The following ADAMTS12 variants were observed in gnomAD, a reference collection of about 807,000 sequenced individuals.
ADAMTS12 encodes A disintegrin and metalloproteinase with thrombospondin motifs 12.
Under a neutral mutation model 167.8 loss-of-function variants are expected in ADAMTS12, and 118 were observed. The ratio of observed to expected loss-of-function variants is 0.70; its 90% CI spans 0.61 to 0.82. The LOEUF is 0.82. Ranked by LOEUF, ADAMTS12 falls within the 40% of genes least tolerant of loss-of-function variation. The pLI is 0.00. For missense variants in ADAMTS12, 1,916 were observed against 1,998.8 expected (o/e 0.96, Z 0.79); for synonymous variants, 704 against 716.9 (o/e 0.98, Z 0.29).
rs201968522 is a variant in ADAMTS12 at position 33,648,964 on chromosome 5, C to T, written c.1337G>A (p.Arg446Gln). 7.4e-5 allele frequency: 119 copies of T among 1,613,324 alleles called. No individual in the cohort carries two copies. Among genetic ancestry groups the T allele is most frequent in the South Asian group, 1.1e-4 (10 of 90,946 alleles). The change falls in exon 9 of 24, where the codon CGA (arginine) becomes CAA (glutamine). Residue 446 changes from arginine (R) to glutamine (Q), a missense_variant and splice_region_variant. Coordinates refer to ENST00000504830, the MANE Select transcript of ADAMTS12 (RefSeq NM_030955.4). ...GTCATCAAGACAGAACCCCCAGCCT[C>T]GGCTGAAAACAAGTTAACAGAAATG... Reference protein sequence around the residue: ...SEEYITRFLDRGWGFCLDDIP... With the variant: ...SEEYITRFLDQGWGFCLDDIP...
intron 21 of ADAMTS12, among the ~76,000 whole-genome samples, chr5:33,548,249 T>C (rs913526242): frequency 5.9e-5 from 9 of 152,202 alleles, no homozygotes; most frequent in African/African-American, 1.9e-4. Context: ...TTCCACATCA[T>C]AGCAGGATCA....
chr5:33,624,098 T>C, intron 14 of ADAMTS12, 133 bp downstream of exon 14: 3 of 1,364,128 alleles, frequency 2.2e-6, no homozygotes, highest in Non-Finnish European at 2.0e-6. Flanking sequence ...GTAAAGGCTA[T>C]ATTCCATTTT....
At chr5:33,847,635 G>T (rs1050772481) in intron 2 of ADAMTS12, among the ~76,000 whole-genome samples, 2 of 150,256 alleles carry the variant, frequency 1.3e-5, no homozygotes, top group South Asian at 2.1e-4. Flanking sequence ...AAAAAAAAAA[G>T]AAAGAAAGAA....
At chr5:33,737,475 A>G (rs1008833784) in intron 3 of ADAMTS12, among the ~76,000 whole-genome samples, 1 of 152,216 alleles carries the variant, frequency 6.6e-6, no homozygotes, top group African/African-American at 2.4e-5. Flanking sequence ...TTTAATAAGT[A>G]AAAAGAATTC....
intron 2 of ADAMTS12, among the ~76,000 whole-genome samples, chr5:33,861,426 AAAG>A (rs1231901149): frequency 6.6e-6 from 1 of 152,208 alleles, no homozygotes; most frequent in Non-Finnish European, 1.5e-5. Context: ...CAAAAAAGAC[AAAG>A]AAGGGCATTA....
rs555007434 is a variant in ADAMTS12 at position 33,740,662 on chromosome 5, C to T, written c.634+10742G>A. On this transcript the variant is annotated intron_variant, in intron 3 of 23. Coordinates refer to ENST00000504830, the MANE Select transcript of ADAMTS12 (RefSeq NM_030955.4). ...ATCCTGACCCTCCCCATGTTTGCAC[C>T]CAGGCTCCTACCAGGGGCATAGAGG... 1.7e-4 allele frequency among the ~76,000 whole-genome samples: 26 copies of T among 152,318 alleles called. No homozygotes were observed. The South Asian group carries it at 5.4e-3, about 32-fold the overall frequency.
At position 33,834,752 on chromosome 5, in the gene ADAMTS12, T is replaced by C. The variant is rs577048550; in HGVS notation, c.489+46367A>G. Among the ~76,000 whole-genome samples, 6 of 152,350 alleles carry C rather than the reference T, an allele frequency of 3.9e-5. No homozygotes were observed. The South Asian group carries it at 1.2e-3, about 32-fold the overall frequency. On this transcript the variant is annotated intron_variant, in intron 2 of 23. Transcript: ENST00000504830. ...AGATGTCCCTAGTTTCCTGGAGGAT[T>C]AGGACACTGTGTTCTATGTCTACAC...
chr5:33,865,087 T>C (rs906826537), intron 2 of ADAMTS12, among the ~76,000 whole-genome samples: 2 of 151,804 alleles, frequency 1.3e-5, no homozygotes, highest in African/African-American at 2.4e-5. Flanking sequence ...ATTCCAAAGA[T>C]TGAGAAACAG....
intron 7 of ADAMTS12, among the ~76,000 whole-genome samples, chr5:33,657,180 T>C (rs1741092179): frequency 6.6e-6 from 1 of 152,202 alleles, no homozygotes; most frequent in Non-Finnish European, 1.5e-5. Flanking sequence ...AAAATTGTTT[T>C]AGAAAGTCCA....
intron 18 of ADAMTS12, among the ~76,000 whole-genome samples, chr5:33,585,247 A>T (rs1467897195): frequency 6.6e-6 from 1 of 152,188 alleles, no homozygotes; most frequent in Non-Finnish European, 1.5e-5. Context: ...TCAAAAAGAA[A>T]GAATTATGGA....
In ADAMTS12 at chr5:33,681,253, G is replaced by GAT. The variant is rs576944889; in HGVS notation, c.915+1763_915+1764dup. Among the ~76,000 whole-genome samples, 1,083 of 152,308 alleles carry GAT rather than the reference G, an allele frequency of 7.1e-3. 5 individuals carry two copies. The highest frequency in any genetic ancestry group is 0.014 in the Middle Eastern group (4 of 294). On this transcript the variant is annotated intron_variant, in intron 5 of 23. Coordinates refer to ENST00000504830, the MANE Select transcript of ADAMTS12 (RefSeq NM_030955.4). ...AGAAAAAATGGATCCCCACTCCACA[G>GAT]ATTGTTTTAAAAATAATCTAACACA...
rs541901551 is a variant in ADAMTS12, at chr5:33,891,609, C to G, written c.127+121G>C. 1,367 of 1,465,738 alleles carry G rather than the reference C, an allele frequency of 9.3e-4. 6 individuals are homozygous for G. Among genetic ancestry groups the G allele is most frequent in the South Asian group, 3.0e-3 (228 of 75,624 alleles). 90.8% of individuals were successfully genotyped at this position (1,465,738 alleles called of 1,614,324 possible). The stretch of plus-strand genomic sequence containing the variant: ...GGTCCCAGCCCAGATTTCCTTACAA[C>G]GCAGCCAAATGGCTTTTCAGAGTTC... On this transcript the variant is annotated intron_variant, in intron 1 of 23. Coordinates refer to ENST00000504830, the MANE Select transcript of ADAMTS12 (RefSeq NM_030955.4).
chr5:33,595,313 C>T (rs1194881840), intron 17 of ADAMTS12, among the ~76,000 whole-genome samples: 1 of 152,068 alleles, frequency 6.6e-6, no homozygotes. Context: ...ATGATTTTAC[C>T]CCGTAGTGGA....
chr5:33,603,700 G>C (rs192576044), intron 16 of ADAMTS12: 1 of 152,220 alleles, frequency 6.6e-6, no homozygotes, highest in Admixed American at 6.5e-5. Context: ...CTATTGTCTT[G>C]CCAGTTTTTC....
At chr5:33,740,053 C>T (rs1423889511) in intron 3 of ADAMTS12, among the ~76,000 whole-genome samples, 1 of 152,180 alleles carries the variant, frequency 6.6e-6, no homozygotes, top group Non-Finnish European at 1.5e-5. Flanking sequence ...AATTCCAACC[C>T]CTTCATGTAA....
chr5:33,792,243 G>T (rs1270741470), intron 2 of ADAMTS12, among the ~76,000 whole-genome samples: 1 of 152,124 alleles, frequency 6.6e-6, no homozygotes, highest in Admixed American at 6.6e-5. Flanking sequence ...TGATCTGCCT[G>T]CCTCGGCATC....
intron 20 of ADAMTS12, 91 bp from the exon 21 acceptor site, chr5:33,549,474 A>G: frequency 6.9e-7 from 1 of 1,450,906 alleles, no homozygotes; most frequent in Non-Finnish European, 9.4e-7. Flanking sequence ...CCAGGCATTC[A>G]GTCATAAAGA....
intron 22 of ADAMTS12, among the ~76,000 whole-genome samples, chr5:33,544,650 G>T: frequency 6.6e-6 from 1 of 152,172 alleles, no homozygotes; most frequent in East Asian, 1.9e-4. Flanking sequence ...CATGGTACTA[G>T]TACCAAAACA....
chr5:33,876,032 T>C (rs1004480585), intron 2 of ADAMTS12, among the ~76,000 whole-genome samples: 14 of 152,136 alleles, frequency 9.2e-5, no homozygotes, highest in African/African-American at 3.4e-4. Context: ...AGCACATGAA[T>C]ACTAAAATTA....
Sources: gnomAD v4.1 joint callset for allele counts (sites outside exome capture counted in the v4.1 genomes callset) on GRCh38, gnomAD v4.1.1 for gene constraint, MANE v1.5 for transcripts, NCBI Gene and HGNC (gene_info 2026-07-23, HGNC 2026-07-21) for gene names.